The following ATP10B variants were observed in gnomAD, a reference collection of about 807,000 sequenced individuals.
ATP10B encodes the protein ATPase phospholipid transporting 10B (putative), also known as phospholipid-transporting ATPase VB.
A neutral mutation model predicts 141.2 loss-of-function variants in ATP10B; 122 were observed. The observed-to-expected ratio is 0.86, with a 90% CI of 0.75 to 1.00. The LOEUF (loss-of-function observed/expected upper bound fraction) is 1.00, where lower values mean the gene tolerates loss of function less well. Among genes scored for constraint, ATP10B ranks in the 50% least tolerant of loss-of-function variants. The pLI is 0.00. For synonymous variants in ATP10B, 685 were observed against 692.0 expected, an observed-to-expected ratio of 0.99 and a Z score of 0.16; for missense variants, 1,876 against 1,825.3, an observed-to-expected ratio of 1.03 and a Z score of -0.51.
intron 24 of ATP10B, among the ~76,000 whole-genome samples, chr5:160,582,140 C>T (rs529741540): frequency 3.9e-5 from 6 of 152,260 alleles, no homozygotes; most frequent in African/African-American, 1.2e-4. Context: ...GAGCATTTAG[C>T]CCACTTACAT....
intron 25 of ATP10B, among the ~76,000 whole-genome samples, chr5:160,567,445 T>A (rs2127592417): frequency 6.6e-6 from 1 of 152,274 alleles, no homozygotes; most frequent in Non-Finnish European, 1.5e-5. Context: ...AGTCACATGT[T>A]AAATGACAGC....
chr5:160,883,814 A>ATG, the ATP10B span, among the ~76,000 whole-genome samples: 2 of 151,048 alleles, frequency 1.3e-5, no homozygotes, highest in African/African-American at 5.0e-5. Context: ...TGGACTTTAC[A>ATG]TTAAGTTATT....
At chr5:160,590,959 C>T (rs1756247167) in intron 23 of ATP10B, 100 bp downstream of exon 23, 1 of 1,028,466 alleles carries the variant, frequency 9.7e-7, no homozygotes, top group Non-Finnish European at 1.5e-6. Context: ...AGCCTCTGCT[C>T]TAAAGTGTCC....
intron 24 of ATP10B, among the ~76,000 whole-genome samples, chr5:160,577,742 T>A (rs942262258): frequency 6.6e-6 from 1 of 152,222 alleles, no homozygotes; most frequent in Non-Finnish European, 1.5e-5. Flanking sequence ...TTTATGTGGC[T>A]ACCTGTTTAT....
chr5:160,675,063 C>T (rs911174203), intron 6 of ATP10B, among the ~76,000 whole-genome samples: 4 of 152,142 alleles, frequency 2.6e-5, no homozygotes, highest in African/African-American at 4.8e-5. Context: ...CTGGCCGAAT[C>T]CTGCTGATAC....
Position 160,668,337 on chromosome 5 carries a change from G to A in ATP10B, c.675+2126C>T, listed in dbSNP as rs538007142. ...TACTCATTCACACGCATATACACAC[G>A]TGTATGTGTGTCAGCATGTGTGAGT... On this transcript the variant is annotated intron_variant, in intron 7 of 25. Transcript: ENST00000327245. 4.0e-5 allele frequency among the ~76,000 whole-genome samples: 5 copies of A among 124,844 alleles called. No homozygotes were observed. The South Asian group carries it at 1.2e-3, about 31-fold the overall frequency. The allele number at this position is 124,844 out of a possible 152,430, so 81.9% of individuals were successfully genotyped here. A position where few individuals can be genotyped will look rare whatever the true frequency, so the allele number is the denominator to read the frequency against.
chr5:160,586,450 G>A (rs1755903758), intron 24 of ATP10B, among the ~76,000 whole-genome samples: 1 of 152,210 alleles, frequency 6.6e-6, no homozygotes, highest in African/African-American at 2.4e-5. Context: ...GTATGCATGT[G>A]TCTTTATAGT....
At chr5:160,761,693 A>C (rs1769056258) in intron 2 of ATP10B, among the ~76,000 whole-genome samples, 1 of 152,236 alleles carries the variant, frequency 6.6e-6, no homozygotes, top group African/African-American at 2.4e-5. Flanking sequence ...CACTCCTAAA[A>C]GATCACACTA....
chr5:160,900,242 AT>A, the ATP10B span, among the ~76,000 whole-genome samples: 1 of 151,634 alleles, frequency 6.6e-6, no homozygotes, highest in Non-Finnish European at 1.5e-5. Flanking sequence ...TTCTTTTCCC[AT>A]TTTTCTTCAT....
chr5:160,579,459 C>T (rs1755408610), intron 24 of ATP10B, among the ~76,000 whole-genome samples: 1 of 152,124 alleles, frequency 6.6e-6, no homozygotes, highest in African/African-American at 2.4e-5. Flanking sequence ...TCAGAGTTGT[C>T]AAAGATCAGA....
At chr5:160,666,827 C>G (rs1270488431) in intron 7 of ATP10B, among the ~76,000 whole-genome samples, 1 of 152,190 alleles carries the variant, frequency 6.6e-6, no homozygotes, top group African/African-American at 2.4e-5. Context: ...TGGAAAGAAT[C>G]CTGGCAACAA....
intron 8 of ATP10B, among the ~76,000 whole-genome samples, chr5:160,648,775 G>A (rs1185583818): frequency 6.6e-6 from 1 of 152,088 alleles, no homozygotes; most frequent in Non-Finnish European, 1.5e-5. Context: ...GTAATTTGCA[G>A]AACCCCGATT....
intron 7 of ATP10B, among the ~76,000 whole-genome samples, chr5:160,650,265 T>A (rs774526230): frequency 6.6e-6 from 1 of 151,916 alleles, no homozygotes; most frequent in African/African-American, 2.4e-5. Context: ...TTTGTGTAGG[T>A]ATATACATGT....
intron 7 of ATP10B, among the ~76,000 whole-genome samples, chr5:160,669,493 A>G (rs1762526833): frequency 6.6e-6 from 1 of 152,082 alleles, no homozygotes; most frequent in African/African-American, 2.4e-5. Flanking sequence ...CCCACCAAAC[A>G]ATAATGATTT....
intron 21 of ATP10B, among the ~76,000 whole-genome samples, chr5:160,599,222 A>C (rs1756936776): frequency 6.6e-6 from 1 of 152,216 alleles, no homozygotes; most frequent in Non-Finnish European, 1.5e-5. Flanking sequence ...GTGGACAGTA[A>C]GTCTTCACTT....
At chr5:160,582,205 A>G (rs1176663782) in intron 24 of ATP10B, among the ~76,000 whole-genome samples, 1 of 152,076 alleles carries the variant, frequency 6.6e-6, no homozygotes, top group African/African-American at 2.4e-5. Flanking sequence ...TTAACTGGTT[A>G]TTTTGCCCAT....
chr5:160,774,064 T>C (rs1176522282), intron 2 of ATP10B, among the ~76,000 whole-genome samples: 1 of 152,210 alleles, frequency 6.6e-6, no homozygotes, highest in African/African-American at 2.4e-5. Context: ...CCTCTGCAGG[T>C]AGGAAAATGC....
At chr5:160,798,744 A>ATTTTTTTTT (rs35866347) in intron 1 of ATP10B, among the ~76,000 whole-genome samples, 2 of 102,498 alleles carry the variant, frequency 2.0e-5, no homozygotes, top group Non-Finnish European at 1.9e-5. Context: ...CTTTTTCTCT[A>ATTTTTTTTT]TTTTTTTTTT....
At chr5:160,753,280 C>A (rs1020844098) in intron 2 of ATP10B, among the ~76,000 whole-genome samples, 2 of 152,190 alleles carry the variant, frequency 1.3e-5, no homozygotes, top group Non-Finnish European at 2.9e-5. Context: ...AAGTTTAAAT[C>A]CCTAGCCTCG....
Sources: gnomAD v4.1 joint callset for allele counts (sites outside exome capture counted in the v4.1 genomes callset) on GRCh38, gnomAD v4.1.1 for gene constraint, MANE v1.5 for transcripts, NCBI Gene and HGNC (gene_info 2026-07-23, HGNC 2026-07-21) for gene names.